WDR12: variants seen among roughly 807,000 people sequenced by gnomAD.
The protein encoded by WDR12 is WD repeat domain 12, also known as ribosome biogenesis protein WDR12.
Under a neutral mutation model 64.3 loss-of-function variants are expected in WDR12, and 42 were observed. The ratio of observed to expected loss-of-function variants is 0.65; its 90% CI spans 0.51 to 0.84. The LOEUF (loss-of-function observed/expected upper bound fraction) is 0.84. Among genes scored for constraint, WDR12 ranks in the 40% least tolerant of loss-of-function variants. The pLI is 0.00. For synonymous variants in WDR12, 158 were observed against 173.3 expected, an observed-to-expected ratio of 0.91 and a Z score of 0.70; for missense variants, 469 against 494.6, an observed-to-expected ratio of 0.95 and a Z score of 0.49.
At chr2:202,892,427 T>C (rs933239042) in intron 8 of WDR12, among the ~76,000 whole-genome samples, 190 bp downstream of exon 8, 2 of 152,138 alleles carry the variant, frequency 1.3e-5, no homozygotes, top group Admixed American at 6.6e-5. Context: ...CATTCAAAGA[T>C]ACAAATAAAT....
chr2:202,880,852 G>T lies in WDR12; in HGVS notation c.*8C>A. On this transcript the variant is annotated 3_prime_UTR_variant, in exon 13 of 13. Transcript: ENST00000261015. ...AAATAATCTCTATAGTCAAATTATT[G>T]TTCACTTTCATGCCCCAACATGGGA... is the stretch of plus-strand genomic sequence containing the variant. 1 of 1,605,084 alleles carries T rather than the reference G, an allele frequency of 6.2e-7. No individual in the cohort carries two copies. Among genetic ancestry groups the T allele is most frequent in the Non-Finnish European group, 8.5e-7 (1 of 1,175,644 alleles).
At chr2:202,889,977 G>C (rs982590567) in intron 8 of WDR12, among the ~76,000 whole-genome samples, 3 of 151,954 alleles carry the variant, frequency 2.0e-5, no homozygotes, top group African/African-American at 7.3e-5. Flanking sequence ...ACCACTTTGA[G>C]AGGCTTTCGG....
At chr2:202,899,697 G>A in intron 3 of WDR12, 60 bp from the exon 4 acceptor site, 2 of 1,441,526 alleles carry the variant, frequency 1.4e-6, no homozygotes, top group Admixed American at 1.7e-5. Context: ...ATTACATTAT[G>A]AAGATAACCC....
At chr2:202,888,247 T>G (rs1383424373) in intron 8 of WDR12, among the ~76,000 whole-genome samples, 1 of 152,170 alleles carries the variant, frequency 6.6e-6, no homozygotes, top group Admixed American at 6.5e-5. Context: ...TTATATGACA[T>G]TCTGGAAAAA....
intron 10 of WDR12, 61 bp downstream of exon 10, chr2:202,884,137 A>G (rs1037213478): frequency 1.3e-6 from 2 of 1,529,714 alleles, no homozygotes; most frequent in Non-Finnish European, 9.0e-7. Context: ...GTACATCTCC[A>G]GAGAGATGAG....
At chr2:202,906,778 C>T (rs781670096) in intron 2 of WDR12, among the ~76,000 whole-genome samples, 7 of 152,122 alleles carry the variant, frequency 4.6e-5, no homozygotes, top group Non-Finnish European at 1.0e-4. Context: ...GCAGGAGAAT[C>T]ACTTAATGTT....
At chr2:202,904,218 T>G (rs1372372117) in intron 2 of WDR12, among the ~76,000 whole-genome samples, 2 of 147,812 alleles carry the variant, frequency 1.4e-5, no homozygotes, top group African/African-American at 2.5e-5. Context: ...TGGAAAGATA[T>G]TCCAGGATCA....
rs1687901202 is a variant in WDR12 at position 202,878,704 on chromosome 2, T to C, written c.*2156A>G. On this transcript the variant is annotated 3_prime_UTR_variant, in exon 13 of 13. Transcript: ENST00000261015. The stretch of plus-strand genomic sequence containing the variant: ...GTTTAGCTCTCAACTGCAGCCAAGT[T>C]TAGATATTGTTTCGCAGACTTCTGC... The C allele has an allele frequency of 6.7e-6, 1 of 150,340 alleles. No individual in the cohort carries two copies. Among genetic ancestry groups the C allele is most frequent in the Non-Finnish European group, 1.5e-5 (1 of 66,932 alleles). The allele number at this position is 150,340 out of a possible 1,614,324, so 9.3% of individuals were successfully genotyped here. A position where few individuals can be genotyped will look rare whatever the true frequency, so the allele number is the denominator to read the frequency against.
Position 202,880,617 on chromosome 2 carries a change from G to A in WDR12, c.*243C>T. 4.2e-6 allele frequency: 1 copy of A among 239,164 alleles called. No homozygotes were observed. The highest frequency in any genetic ancestry group is 8.0e-6 in the Non-Finnish European group (1 of 124,302). The allele number at this position is 239,164 out of a possible 1,614,324, so 14.8% of individuals were successfully genotyped here. On this transcript the variant is annotated 3_prime_UTR_variant, in exon 13 of 13. Transcript: ENST00000261015. ...CAAACCAATACCTTTAAAGAGAAATGTAAAACTCAGTTTAATTTCAAGTTT... is the reference window on the plus strand; with the variant it reads ...CAAACCAATACCTTTAAAGAGAAATATAAAACTCAGTTTAATTTCAAGTTT...
chr2:202,911,477 GGCGAGGAGTACACACGACTTGCCCA>G lies in WDR12; in HGVS notation c.-26_-2del. On this transcript the variant is annotated 5_prime_UTR_variant, in exon 1 of 13. Coordinates refer to ENST00000261015, the MANE Select transcript of WDR12 (RefSeq NM_018256.4). Reference sequence around the variant, plus strand: ...AGAAGCGTGTTTGGAGCTGAGCCATGGCGAGGAGTACACACGACTTGCCCACGGAAACGTACGGGTTAGCAGACCC... The same window carrying G: ...AGAAGCGTGTTTGGAGCTGAGCCATGCGGAAACGTACGGGTTAGCAGACCC... 1 of 1,614,092 alleles carries G rather than the reference GGCGAGGAGTACACACGACTTGCCCA, an allele frequency of 6.2e-7. No homozygotes were observed. Among genetic ancestry groups the G allele is most frequent in the Admixed American group, 1.7e-5 (1 of 60,006 alleles).
At chr2:202,885,015 A>C (rs1688022080) in intron 8 of WDR12, among the ~76,000 whole-genome samples, 1 of 152,192 alleles carries the variant, frequency 6.6e-6, no homozygotes, top group African/African-American at 2.4e-5. Flanking sequence ...CTGGGAATAT[A>C]ACATCCTGAG....
At position 202,902,641 on chromosome 2, in the gene WDR12, GTTTGCCAGGGATTCT is replaced by G. The variant is rs549183355; in HGVS notation, c.137-1537_137-1523del. On this transcript the variant is annotated intron_variant, in intron 2 of 12. Transcript: ENST00000261015. ...CAGCTTTTGGATTCTTGGACCAGTG[GTTTGCCAGGGATTCT>G]CAGGTGTTTGGCCATAGACTGAAGG... Among the ~76,000 whole-genome samples, 795 of 152,282 alleles carry G rather than the reference GTTTGCCAGGGATTCT, an allele frequency of 5.2e-3. 25 individuals are homozygous for G. The highest frequency in any genetic ancestry group is 0.049 in the Admixed American group (750 of 15,300).
At chr2:202,884,155 T>A in intron 10 of WDR12, 43 bp downstream of exon 10, 1 of 1,573,390 alleles carries the variant, frequency 6.4e-7, no homozygotes. Flanking sequence ...GAGAAATAGA[T>A]GTTATTCACA....
chr2:202,901,853 T>C (rs1471249221), intron 2 of WDR12, among the ~76,000 whole-genome samples: 2 of 152,150 alleles, frequency 1.3e-5, no homozygotes, highest in Non-Finnish European at 2.9e-5. Flanking sequence ...CAGGGTTTTT[T>C]GGGTTTTTTT....
intron 2 of WDR12, among the ~76,000 whole-genome samples, chr2:202,904,879 G>C (rs1345868132): frequency 1.3e-5 from 2 of 152,144 alleles, no homozygotes; most frequent in East Asian, 1.9e-4. Flanking sequence ...AAAGTGAAGA[G>C]ACAACCCACA....
rs755966435 is a variant in WDR12 at position 202,876,036 on chromosome 2, G to A, written c.*4824C>T. 2.0e-5 allele frequency: 3 copies of A among 152,114 alleles called. No individual in the cohort carries two copies. The highest frequency in any genetic ancestry group is 3.8e-4 in the East Asian group (2 of 5,198). The allele number at this position is 152,114 out of a possible 1,614,324, so 9.4% of individuals were successfully genotyped here. On this transcript the variant is annotated 3_prime_UTR_variant, in exon 13 of 13. Coordinates refer to ENST00000261015, the MANE Select transcript of WDR12 (RefSeq NM_018256.4). Reference sequence around the variant, plus strand: ...GGAACTGCTATTAGAACAACCATTAGGTTTAATTCTGTAAAACTAACCAGC... The same window carrying A: ...GGAACTGCTATTAGAACAACCATTAAGTTTAATTCTGTAAAACTAACCAGC...
At chr2:202,897,442 C>A in intron 4 of WDR12, 27 bp from the exon 5 acceptor site, 1 of 1,374,168 alleles carries the variant, frequency 7.3e-7, no homozygotes, top group Admixed American at 2.5e-5. Context: ...TCTTATGAAA[C>A]ACAAAAAGCA....
Position 202,884,319 on chromosome 2 carries a change from A to G in WDR12, c.883-16T>C. 2 of 1,613,888 alleles carry G rather than the reference A, an allele frequency of 1.2e-6. No homozygotes were observed. The highest frequency in any genetic ancestry group is 4.5e-5 in the East Asian group (2 of 44,884). On this transcript the variant is annotated splice_polypyrimidine_tract_variant and intron_variant, in intron 9 of 12. Transcript: ENST00000261015. ...TATTTCCTGTCTGAAAAAGAAAAGG[A>G]AAGAACATTAACCATGGTAGACTAA...
intron 4 of WDR12, among the ~76,000 whole-genome samples, chr2:202,898,076 C>A (rs1296660880): frequency 1.1e-4 from 3 of 27,830 alleles, no homozygotes; most frequent in South Asian, 4.1e-3. Context: ...CAAAACCACC[C>A]CCACCCAAAA....
Sources: allele counts gnomAD v4.1 joint callset (sites outside exome capture counted in the v4.1 genomes callset), GRCh38; gene constraint gnomAD v4.1.1; transcripts MANE v1.5; gene names NCBI Gene and HGNC (gene_info 2026-07-23, HGNC 2026-07-21).